Variants in AKAP13 observed in about 807,000 individuals in gnomAD.
AKAP13 encodes the protein A-kinase anchor protein 13.
Under a neutral mutation model 264.5 loss-of-function variants are expected in AKAP13, and 80 were observed. That is an observed-to-expected ratio of 0.30 (90% CI 0.25 to 0.36). The LOEUF (loss-of-function observed/expected upper bound fraction) is 0.36. Ranked by LOEUF, AKAP13 falls within the 10% of genes least tolerant of loss-of-function variation. The pLI is 1.00. For synonymous variants in AKAP13, 1,380 were observed against 1,250.2 expected, an observed-to-expected ratio of 1.10 and a Z score of -2.19; for missense variants, 3,712 against 3,435.2, an observed-to-expected ratio of 1.08 and a Z score of -2.01.
intron 1 of AKAP13, among the ~76,000 whole-genome samples, chr15:85,433,213 TAGAC>T (rs1211623091): frequency 6.6e-6 from 1 of 151,558 alleles, no homozygotes; most frequent in African/African-American, 2.4e-5. Flanking sequence ...TCTCTGTTGT[TAGAC>T]AGCAACGTCC....
intron 33 of AKAP13, among the ~76,000 whole-genome samples, chr15:85,737,396 G>A (rs1350229739): frequency 6.6e-6 from 1 of 152,056 alleles, no homozygotes; most frequent in Non-Finnish European, 1.5e-5. Flanking sequence ...GACTTTGTAA[G>A]CAGAATAGAA....
rs1443166952 is a variant in AKAP13 at position 85,485,707 on chromosome 15, CA to C, written c.-11-2del. On this transcript the variant is annotated splice_acceptor_variant, in intron 1 of 36. Transcript: ENST00000394518. LOFTEE classifies it low-confidence loss of function (5UTR_SPLICE). ...ATTCTCATTTATTCCATTTCTGTTT[CA>C]GTGTCCTGGGTCATGAAACTTAATC... The C allele has an allele frequency of 6.2e-7, 1 of 1,612,594 alleles. No individual in the cohort carries two copies.
intron 8 of AKAP13, among the ~76,000 whole-genome samples, chr15:85,618,813 A>T (rs991119028): frequency 6.6e-6 from 1 of 152,136 alleles, no homozygotes; most frequent in Non-Finnish European, 1.5e-5. Flanking sequence ...ATTTTCTTTA[A>T]ATCAACTCCA....
At chr15:85,712,752 T>G (rs1473772471) in intron 19 of AKAP13, among the ~76,000 whole-genome samples, 2 of 152,118 alleles carry the variant, frequency 1.3e-5, no homozygotes, top group African/African-American at 2.4e-5. Flanking sequence ...CCATGTTGGC[T>G]AGGCTGGTGT....
intron 29 of AKAP13, among the ~76,000 whole-genome samples, chr15:85,728,826 C>T (rs2087773585): frequency 6.6e-6 from 1 of 151,394 alleles, no homozygotes; most frequent in Non-Finnish European, 1.5e-5. Flanking sequence ...TAAAAGGCAA[C>T]AAGGGACTCA....
intron 8 of AKAP13, among the ~76,000 whole-genome samples, chr15:85,610,406 G>A (rs2080552508): frequency 6.6e-6 from 1 of 152,148 alleles, no homozygotes; most frequent in African/African-American, 2.4e-5. Flanking sequence ...AGCAGTACGT[G>A]TATTCAAGTG....
rs73452483 is a variant in AKAP13, at chr15:85,619,508, T to C, written c.4162-19866T>C. 0.011 allele frequency: 11,278 copies of C among 985,390 alleles called. 912 individuals carry two copies. The African/African-American group carries it at 0.18, about 16-fold the overall frequency. 61.0% of individuals were successfully genotyped at this position (985,390 alleles called of 1,614,324 possible). ...TTTACTTTGAAAAGCATCTCCCAGC[T>C]TCTACTTTTTTTTAAGGAAAAGTAG... On this transcript the variant is annotated intron_variant, in intron 8 of 36. Coordinates refer to ENST00000394518, the MANE Select transcript of AKAP13 (RefSeq NM_007200.5).
Position 85,504,503 on chromosome 15 carries a change from C to CAAAAAAAAAAAAAAAAAAAAAAAA in AKAP13, c.34-16916_34-16893dup, listed in dbSNP as rs566579814. Among the ~76,000 whole-genome samples the CAAAAAAAAAAAAAAAAAAAAAAAA allele has an allele frequency of 5.5e-4, 50 of 91,036 alleles. 3 individuals carry two copies. Among genetic ancestry groups the CAAAAAAAAAAAAAAAAAAAAAAAA allele is most frequent in the African/African-American group, 1.4e-3 (28 of 19,656 alleles). The allele number at this position is 91,036 out of a possible 152,430, so 59.7% of individuals were successfully genotyped here. A position where few individuals can be genotyped will look rare whatever the true frequency, so the allele number is the denominator to read the frequency against. On this transcript the variant is annotated intron_variant, in intron 2 of 36. Coordinates refer to ENST00000394518, the MANE Select transcript of AKAP13 (RefSeq NM_007200.5). The stretch of plus-strand genomic sequence containing the variant: ...GCGATGTGGTGAGACCCTGTCTTTA[C>CAAAAAAAAAAAAAAAAAAAAAAAA]AAAAAAAAAAAAAAAAAAAAAAAAA...
intron 10 of AKAP13, among the ~76,000 whole-genome samples, chr15:85,653,176 A>G (rs1254249253): frequency 1.3e-5 from 2 of 152,194 alleles, no homozygotes; most frequent in South Asian, 2.1e-4. Flanking sequence ...ACCTACCACA[A>G]TTTAGAATTT....
At chr15:85,507,138 G>A (rs2076249721) in intron 2 of AKAP13, among the ~76,000 whole-genome samples, 1 of 152,058 alleles carries the variant, frequency 6.6e-6, no homozygotes, top group Non-Finnish European at 1.5e-5. Context: ...TTATATCACT[G>A]TAACTGTATG....
In AKAP13 at chr15:85,662,554, T is replaced by G. The variant is rs141423018; in HGVS notation, c.4800-2009T>G. On this transcript the variant is annotated intron_variant, in intron 12 of 36. Transcript: ENST00000394518. The stretch of plus-strand genomic sequence containing the variant: ...GGCTTCTGTGTGGCTGGGATGCATA[T>G]GGGCAGCCTGCTTTGTCTGTGAGCA... The G allele has an allele frequency of 1.4e-5, 18 of 1,286,146 alleles. No individual in the cohort carries two copies. In the African/African-American group the frequency reaches 2.6e-4, roughly 19 times the overall value. 79.7% of individuals were successfully genotyped at this position (1,286,146 alleles called of 1,614,324 possible).
chr15:85,660,275 C>T (rs1293953713), intron 12 of AKAP13, among the ~76,000 whole-genome samples: 2 of 142,928 alleles, frequency 1.4e-5, no homozygotes, highest in African/African-American at 5.2e-5. Context: ...ATTGCTTGAA[C>T]CTGGGAGGCA....
intron 3 of AKAP13, among the ~76,000 whole-genome samples, chr15:85,524,728 A>G (rs1170443186): frequency 6.6e-6 from 1 of 152,052 alleles, no homozygotes; most frequent in African/African-American, 2.4e-5. Flanking sequence ...AATTGTTTTG[A>G]CTTCGGATAT....
chr15:85,662,062 C>T (rs879026181), intron 12 of AKAP13, among the ~76,000 whole-genome samples: 2 of 152,110 alleles, frequency 1.3e-5, no homozygotes, highest in Admixed American at 1.3e-4. Context: ...TTTGAAATAC[C>T]TCTCATGTCT....
At chr15:85,627,159 G>A (rs1450331571) in intron 8 of AKAP13, among the ~76,000 whole-genome samples, 6 of 151,906 alleles carry the variant, frequency 3.9e-5, no homozygotes, top group African/African-American at 9.7e-5. Flanking sequence ...TGCTCTTTTC[G>A]TCTGTTATCT....
At chr15:85,737,439 G>C (rs2151770515) in intron 33 of AKAP13, among the ~76,000 whole-genome samples, 3 of 152,268 alleles carry the variant, frequency 2.0e-5, no homozygotes, top group Admixed American at 2.0e-4. Context: ...TTAGAGTATA[G>C]TTCTCAAGGA....
chr15:85,500,771 C>T (rs1157190567), intron 2 of AKAP13, among the ~76,000 whole-genome samples: 2 of 152,116 alleles, frequency 1.3e-5, no homozygotes, highest in African/African-American at 4.8e-5. Flanking sequence ...ACCTGTACTC[C>T]CAGAAATGTG....
intron 19 of AKAP13, among the ~76,000 whole-genome samples, chr15:85,711,220 C>CTT (rs148954460): frequency 4.1e-4 from 62 of 151,492 alleles, no homozygotes; most frequent in African/African-American, 1.4e-3. Flanking sequence ...GAAAATAGTT[C>CTT]TTTTTTTTTA....
intron 1 of AKAP13, among the ~76,000 whole-genome samples, chr15:85,393,712 A>G (rs17552193): frequency 0.013 from 1,974 of 152,300 alleles, 21 homozygotes; most frequent in Middle Eastern, 0.017. Flanking sequence ...GGGTTTAGAG[A>G]TTTAAGTTTG....
Sources: gnomAD v4.1 joint callset for allele counts (sites outside exome capture counted in the v4.1 genomes callset) on GRCh38, gnomAD v4.1.1 for gene constraint, MANE v1.5 for transcripts, NCBI Gene and HGNC (gene_info 2026-07-23, HGNC 2026-07-21) for gene names.